Variants in PTGES3 observed in about 807,000 individuals in gnomAD.
PTGES3 encodes the protein Hsp90 co-chaperone.
PTGES3 carries 5 observed loss-of-function variants against 29.9 expected under a neutral mutation model. The ratio of observed to expected loss-of-function variants is 0.17; its 90% CI spans 0.09 to 0.35. The LOEUF is 0.35. PTGES3 is among the 10% of genes least tolerant of loss of function. The pLI is 1.00. For missense variants in PTGES3, 128 were observed against 190.0 expected, an observed-to-expected ratio of 0.67 and a Z score of 1.92; for synonymous variants, 49 against 57.8, an observed-to-expected ratio of 0.85 and a Z score of 0.69.
At chr12:56,686,611 A>T (rs1952870943) in intron 1 of PTGES3, among the ~76,000 whole-genome samples, 1 of 151,798 alleles carries the variant, frequency 6.6e-6, no homozygotes, top group South Asian at 2.1e-4. Flanking sequence ...TCCCGACCTC[A>T]GGTGATCCGC....
intron 1 of PTGES3, among the ~76,000 whole-genome samples, chr12:56,683,892 G>A (rs1952694689): frequency 6.7e-6 from 1 of 150,332 alleles, no homozygotes; most frequent in African/African-American, 2.4e-5. Context: ...CCCAGGGGGC[G>A]GAGCCTGCAG....
chr12:56,666,206 C>A lies in PTGES3; in HGVS notation c.436G>T (p.Asp146Tyr), dbSNP rs1206212363. ...VDLPEVDGADDDSQDSDDEKM... is the reference protein window; with the variant it reads ...VDLPEVDGADYDSQDSDDEKM... The stretch of plus-strand genomic sequence containing the variant: ...GAAAAAAGAATTTTTAGACTTACAT[C>A]ATCTGCTCCATCTACTTCTGGTAAA... Residue 146 changes from aspartate (D) to tyrosine (Y), a missense_variant and splice_region_variant, in exon 6 of 8, where the codon GAT (aspartate) becomes TAT (tyrosine). Transcript: ENST00000262033. The A allele has an allele frequency of 1.5e-5, 24 of 1,608,794 alleles. No homozygotes were observed. The highest frequency in any genetic ancestry group is 2.0e-5 in the Non-Finnish European group (23 of 1,177,520).
chr12:56,667,423 G>T (rs1289861695), intron 5 of PTGES3, among the ~76,000 whole-genome samples: 2 of 152,114 alleles, frequency 1.3e-5, no homozygotes, highest in East Asian at 3.8e-4. Context: ...GAATGGGAAA[G>T]GACCTTAAAA....
chr12:56,678,346 TTTTG>T (rs993836179), intron 1 of PTGES3, among the ~76,000 whole-genome samples: 4 of 151,982 alleles, frequency 2.6e-5, no homozygotes, highest in African/African-American at 9.7e-5. Flanking sequence ...CCTGGCTAAT[TTTTG>T]TTTTTTAGTA....
intron 7 of PTGES3, 52 bp downstream of exon 7, chr12:56,664,724 G>A (rs377751378): frequency 1.3e-6 from 2 of 1,552,072 alleles, no homozygotes; most frequent in Non-Finnish European, 1.8e-6. Context: ...TTTTGAGTTT[G>A]TTTTTTGATG....
At position 56,688,165 on chromosome 12, in the gene PTGES3, G is replaced by A. The variant is rs1263385185; in HGVS notation, c.-166C>T. 4.7e-6 allele frequency: 6 copies of A among 1,264,100 alleles called. No individual in the cohort carries two copies. The highest frequency in any genetic ancestry group is 1.6e-5 in the African/African-American group (1 of 63,488). 78.3% of individuals were successfully genotyped at this position (1,264,100 alleles called of 1,614,324 possible). A position where few individuals can be genotyped will look rare whatever the true frequency, so the allele number is the denominator to read the frequency against. Reference sequence around the variant, plus strand: ...GCGGCAGCGGCGGGCTCGACCTCGGGCCCCAGAATGCACCGCGCGGAAAGA... The same window carrying A: ...GCGGCAGCGGCGGGCTCGACCTCGGACCCCAGAATGCACCGCGCGGAAAGA... On this transcript the variant is annotated 5_prime_UTR_variant, in exon 1 of 8. Transcript: ENST00000262033.
At chr12:56,666,488 G>A (rs192396893) in intron 5 of PTGES3, among the ~76,000 whole-genome samples, 1 of 152,160 alleles carries the variant, frequency 6.6e-6, no homozygotes, top group Admixed American at 6.5e-5. Context: ...CTAAAGAAAA[G>A]CAAAGCTATT....
intron 5 of PTGES3, among the ~76,000 whole-genome samples, chr12:56,669,369 C>T (rs532343031): frequency 1.3e-5 from 2 of 151,960 alleles, no homozygotes; most frequent in East Asian, 2.0e-4. Flanking sequence ...ATTTTGTTCA[C>T]GCCTTCTGGG....
chr12:56,669,864 C>A (rs570831752), intron 5 of PTGES3, among the ~76,000 whole-genome samples: 19 of 151,814 alleles, frequency 1.3e-4, no homozygotes, highest in Non-Finnish European at 2.6e-4. Context: ...CCAGCCTTGG[C>A]CTCCCAAAGT....
chr12:56,680,253 T>G (rs954899694), intron 1 of PTGES3, among the ~76,000 whole-genome samples: 1 of 151,706 alleles, frequency 6.6e-6, no homozygotes, highest in Non-Finnish European at 1.5e-5. Flanking sequence ...GTTTTCACAT[T>G]TTTAGTAGAG....
At chr12:56,679,841 A>C (rs1000460750) in intron 1 of PTGES3, among the ~76,000 whole-genome samples, 1 of 151,844 alleles carries the variant, frequency 6.6e-6, no homozygotes, top group Non-Finnish European at 1.5e-5. Context: ...TGCCCGGCTA[A>C]TTTTTGTATT....
Position 56,677,069 on chromosome 12 carries a change from G to A in PTGES3, c.3-4004C>T, listed in dbSNP as rs145737955. ...TGGCCAACCACCGTGGTGAAATCCC[G>A]TCTCTACTAAAAATGTAAAAATTAG... On this transcript the variant is annotated intron_variant, in intron 1 of 7. Coordinates refer to ENST00000262033, the MANE Select transcript of PTGES3 (RefSeq NM_006601.7). Among the ~76,000 whole-genome samples the A allele has an allele frequency of 7.5e-3, 1,139 of 151,548 alleles. 8 individuals are homozygous for A. The highest frequency in any genetic ancestry group is 0.016 in the Admixed American group (247 of 15,158).
chr12:56,666,117 G>C, intron 6 of PTGES3, 87 bp downstream of exon 6: 1 of 1,403,272 alleles, frequency 7.1e-7, no homozygotes, highest in Non-Finnish European at 9.4e-7. Context: ...AAGTAATTGT[G>C]AATCTATATA....
intron 1 of PTGES3, among the ~76,000 whole-genome samples, chr12:56,680,381 T>C (rs937007702): frequency 1.3e-5 from 2 of 148,962 alleles, no homozygotes; most frequent in Non-Finnish European, 3.0e-5. Context: ...AACCCAATTT[T>C]CTTTCTTTTT....
chr12:56,668,979 A>G (rs906012251), intron 5 of PTGES3, among the ~76,000 whole-genome samples: 7 of 144,500 alleles, frequency 4.8e-5, no homozygotes, highest in East Asian at 4.0e-4. Flanking sequence ...TTTTCCTTGT[A>G]TATCTCATGG....
In PTGES3 at chr12:56,688,019, C is replaced by A; in HGVS notation, c.-20G>T. On this transcript the variant is annotated 5_prime_UTR_variant, in exon 1 of 8. Coordinates refer to ENST00000262033, the MANE Select transcript of PTGES3 (RefSeq NM_006601.7). ...TCACATTGTGAACGGGGCAGGGGGA[C>A]GGGCGAACTGGTGGGCGGGCCTCTC... 17 of 1,531,092 alleles carry A rather than the reference C, an allele frequency of 1.1e-5. No individual in the cohort carries two copies. Among genetic ancestry groups the A allele is most frequent in the South Asian group, 2.4e-5 (2 of 84,212 alleles). The allele number at this position is 1,531,092 out of a possible 1,614,324, so 94.8% of individuals were successfully genotyped here.
At chr12:56,682,387 G>A (rs1042035101) in intron 1 of PTGES3, among the ~76,000 whole-genome samples, 1 of 151,996 alleles carries the variant, frequency 6.6e-6, no homozygotes, top group East Asian at 1.9e-4. Flanking sequence ...AACATTGTGA[G>A]ACCCCCGTCT....
At chr12:56,664,651 T>G in intron 7 of PTGES3, 125 bp downstream of exon 7, 2 of 1,382,102 alleles carry the variant, frequency 1.4e-6, no homozygotes, top group Non-Finnish European at 2.0e-6. Flanking sequence ...ATTTCTGCTT[T>G]GGTTATTTAT....
At chr12:56,674,047 CTCCTT>C (rs1222119245) in intron 1 of PTGES3, among the ~76,000 whole-genome samples, 7 of 152,176 alleles carry the variant, frequency 4.6e-5, no homozygotes, top group African/African-American at 1.7e-4. Flanking sequence ...GAGAATCAAT[CTCCTT>C]TCCTCAAATT....
Sources: allele counts gnomAD v4.1 joint callset (sites outside exome capture counted in the v4.1 genomes callset), GRCh38; gene constraint gnomAD v4.1.1; transcripts MANE v1.5; gene names NCBI Gene and HGNC (gene_info 2026-07-23, HGNC 2026-07-21).